Variants in IL18BP observed in about 807,000 individuals in gnomAD.
The protein encoded by IL18BP is interleukin 18 binding protein.
A neutral mutation model predicts 19.9 loss-of-function variants in IL18BP; 23 were observed. The ratio of observed to expected loss-of-function variants is 1.15; its 90% CI spans 0.83 to 1.64. The LOEUF (loss-of-function observed/expected upper bound fraction) is 1.64. Among genes scored for constraint, IL18BP ranks in the 40% most tolerant of loss-of-function variants. The pLI, the probability that IL18BP is intolerant of heterozygous loss-of-function variation, is 0.00. For synonymous variants in IL18BP, 107 were observed against 101.0 expected, an observed-to-expected ratio of 1.06 and a Z score of -0.35; for missense variants, 239 against 240.7, an observed-to-expected ratio of 0.99 and a Z score of 0.05.
chr11:72,001,319 CACCAGGTGAGGGTCGCAGCA>C lies in IL18BP; in HGVS notation c.355_359+15del. ...TCCCAGGCCGACTGTGGGAGGGGAG[CACCAGGTGAGGGTCGCAGCA>C]GCCAGGTGGGTGGGAAGGAGGCCTT... On this transcript the variant is annotated splice_donor_variant and splice_donor_5th_base_variant and coding_sequence_variant and intron_variant, in exon 4 of 6. Transcript: ENST00000393703. LOFTEE classifies it high-confidence loss of function. The C allele has an allele frequency of 6.2e-7, 1 of 1,614,184 alleles. No individual in the cohort carries two copies. The highest frequency in any genetic ancestry group is 8.5e-7 in the Non-Finnish European group (1 of 1,180,046).
intron 2 of IL18BP, 40 bp from the exon 3 acceptor site, chr11:72,000,311 T>C (rs1411782238): frequency 6.4e-6 from 10 of 1,570,798 alleles, no homozygotes; most frequent in Middle Eastern, 1.7e-4. Flanking sequence ...CAGCCCACTC[T>C]GTCTCCAGAG....
chr11:72,000,106 C>T, intron 2 of IL18BP, 94 bp downstream of exon 2: 1 of 1,370,684 alleles, frequency 7.3e-7, no homozygotes, highest in Non-Finnish European at 1.0e-6. Flanking sequence ...CACTCCAAGG[C>T]AAACCACCCA....
At chr11:72,001,583 C>T (rs753301202) in intron 5 of IL18BP, 31 bp downstream of exon 5, 5 of 1,603,730 alleles carry the variant, frequency 3.1e-6, no homozygotes, top group East Asian at 4.5e-5. Flanking sequence ...CCTCCAGGAA[C>T]AGGAGGAGCT....
Position 72,001,230 on chromosome 11 carries a change from T to C in IL18BP, c.265T>C (p.Cys89Arg). ...AACGCTGAGCTTATCCTGTGTGGCC[T>C]GCAGCCGCTTCCCCAACTTCAGCAT... ...NGTLSLSCVA[C>R]SRFPNFSILY... The change falls in exon 4 of 6, where the codon TGC becomes CGC. Residue 89 changes from cysteine (C) to arginine (R), a missense_variant. Cys to Arg is a radical substitution (Grantham distance 180). Coordinates refer to ENST00000393703, the MANE Select transcript of IL18BP (RefSeq NM_001039660.2). The C allele has an allele frequency of 6.2e-7, 1 of 1,614,204 alleles. No individual in the cohort carries two copies.
In IL18BP at chr11:72,002,109, A is replaced by C; in HGVS notation, c.*248A>C. 1 of 598,980 alleles carries C rather than the reference A, an allele frequency of 1.7e-6. No individual in the cohort carries two copies. Among genetic ancestry groups the C allele is most frequent in the East Asian group, 2.8e-5 (1 of 35,420 alleles). 37.1% of individuals were successfully genotyped at this position (598,980 alleles called of 1,614,324 possible). On this transcript the variant is annotated 3_prime_UTR_variant, in exon 6 of 6. Coordinates refer to ENST00000393703, the MANE Select transcript of IL18BP (RefSeq NM_001039660.2). ...CTCCACCTATCCATTAGCCTTCCTAACGTCCTACTCCTCACACTGCTCTAC... is the reference window on the plus strand; with the variant it reads ...CTCCACCTATCCATTAGCCTTCCTACCGTCCTACTCCTCACACTGCTCTAC...
At chr11:71,999,797 C>G (rs1955112828) in intron 1 of IL18BP, 130 bp from the exon 2 acceptor site, 3 of 609,928 alleles carry the variant, frequency 4.9e-6, no homozygotes, top group South Asian at 3.9e-5. Context: ...TTGACCCCCC[C>G]AGCTCTGTTT....
chr11:72,008,172 GT>G (rs1211819270), downstream of IL18BP: 53 of 473,272 alleles, frequency 1.1e-4, no homozygotes, highest in African/African-American at 1.0e-3. Flanking sequence ...AAATGTAAGT[GT>G]TTAATAAAAA....
At chr11:72,003,400 T>C (rs1955394735), downstream of IL18BP, 3 of 925,978 alleles carry the variant, frequency 3.2e-6, no homozygotes, top group Non-Finnish European at 5.3e-6. Context: ...CAGGCATCAC[T>C]GTCTCTAGGG....
chr11:71,999,019 G>C lies in IL18BP; in HGVS notation c.-59G>C. ...GCTCTTCAGGACCTCTTAGGAGCCAGGTAGGAGTCTGGGACTACTAGTGAA... is the reference window on the plus strand; with the variant it reads ...GCTCTTCAGGACCTCTTAGGAGCCACGTAGGAGTCTGGGACTACTAGTGAA... On this transcript the variant is annotated splice_region_variant and 5_prime_UTR_variant, in exon 1 of 6. Transcript: ENST00000393703. The C allele has an allele frequency of 2.7e-6, 1 of 369,084 alleles. No homozygotes were observed. Among genetic ancestry groups the C allele is most frequent in the South Asian group, 2.2e-5 (1 of 46,372 alleles). The allele number at this position is 369,084 out of a possible 1,614,324, so 22.9% of individuals were successfully genotyped here.
At chr11:72,004,556 A>C (rs946237870), downstream of IL18BP, 7 of 1,414,770 alleles carry the variant, frequency 4.9e-6, no homozygotes, top group African/African-American at 8.6e-5. Context: ...AGGGAAGGAG[A>C]GAGAAGGCTC....
downstream of IL18BP, chr11:72,004,886 C>T (rs1045829990): frequency 2.8e-5 from 39 of 1,413,910 alleles, no homozygotes; most frequent in Admixed American, 9.8e-5. Context: ...GGGGCTGTCC[C>T]AGAACTCTAC....
In IL18BP at chr11:72,001,280, C is replaced by G. The variant is rs781707273; in HGVS notation, c.315C>G (p.Ser105=). The G allele has an allele frequency of 1.2e-6, 2 of 1,614,230 alleles. No individual in the cohort carries two copies. Among genetic ancestry groups the G allele is most frequent in the Non-Finnish European group, 1.7e-6 (2 of 1,180,040 alleles). Residue 105 remains serine, a synonymous_variant, in exon 4 of 6, where the codon TCC becomes TCG. Transcript: ENST00000393703. ...TCCTCTACTGGCTGGGCAATGGTTC[C>G]TTCATTGAGCACCTCCCAGGCCGAC... ...FSILYWLGNG[S]FIEHLPGRLW... is the part of the protein sequence containing the mutation.
intron 3 of IL18BP, 123 bp from the exon 4 acceptor site, chr11:72,001,078 C>T (rs956044547): frequency 4.3e-6 from 5 of 1,173,970 alleles, no homozygotes; most frequent in East Asian, 5.0e-5. Flanking sequence ...AGGTGGTGTG[C>T]AGAGCAGTTC....
downstream of IL18BP, chr11:72,003,726 C>T (rs1272509809): frequency 2.0e-6 from 2 of 990,244 alleles, no homozygotes; most frequent in African/African-American, 1.6e-5. Flanking sequence ...GGCCATCTGT[C>T]TTCTCTCCTT....
In IL18BP at chr11:72,000,538, A is replaced by G; in HGVS notation, c.216A>G (p.Pro72=). ...KQCPALEVTW[P]EVEVPLNGTL... ...GTCCAGCATTGGAAGTGACCTGGCC[A>G]GAGGTGGAAGTGCCACTGAGTAAGA... The change falls in exon 3 of 6, where the codon CCA becomes CCG. Residue 72 remains proline, a synonymous_variant. Transcript: ENST00000393703. 1 of 1,611,690 alleles carries G rather than the reference A, an allele frequency of 6.2e-7. No homozygotes were observed. Among genetic ancestry groups the G allele is most frequent in the Non-Finnish European group, 8.5e-7 (1 of 1,179,922 alleles).
downstream of IL18BP, chr11:72,004,188 A>T (rs199986139): frequency 1.2e-6 from 2 of 1,604,246 alleles, no homozygotes; most frequent in Admixed American, 3.5e-5. Flanking sequence ...AGGTCCCGCC[A>T]GGGCGTCGCT....
Position 72,002,190 on chromosome 11 carries a change from C to T in IL18BP, c.*329C>T, listed in dbSNP as rs978398817. 76 of 358,134 alleles carry T rather than the reference C, an allele frequency of 2.1e-4. No homozygotes were observed. Among genetic ancestry groups the T allele is most frequent in the African/African-American group, 1.5e-3 (74 of 48,566 alleles). The allele number at this position is 358,134 out of a possible 1,614,324, so 22.2% of individuals were successfully genotyped here. On this transcript the variant is annotated 3_prime_UTR_variant, in exon 6 of 6. Coordinates refer to ENST00000393703, the MANE Select transcript of IL18BP (RefSeq NM_001039660.2). ...TTAGCCTTGCACTCCAGGGCCCTAC[C>T]TGCATTTCCCACATGACTTTCTGGA...
chr11:72,007,230 G>A (rs760257951), downstream of IL18BP: 35 of 1,612,660 alleles, frequency 2.2e-5, no homozygotes, highest in African/African-American at 2.7e-5. Context: ...GTGCGCCGAC[G>A]AGCGGAGCGG....
Position 71,999,089 on chromosome 11 carries a change from A to AG in IL18BP, c.-59+73dup, listed in dbSNP as rs1231127541. The AG allele has an allele frequency of 1.2e-5, 6 of 498,928 alleles. No individual in the cohort carries two copies. The Admixed American group carries it at 1.2e-4, about 10-fold the overall frequency. 30.9% of individuals were successfully genotyped at this position (498,928 alleles called of 1,614,324 possible). ...CCAGAGGGGCTAGGATGAGAGACAGAGGGTGTGATGGTGGGTGCTGGGAGA... is the reference window on the plus strand; with the variant it reads ...CCAGAGGGGCTAGGATGAGAGACAGAGGGGTGTGATGGTGGGTGCTGGGAGA... On this transcript the variant is annotated intron_variant, in intron 1 of 5. Coordinates refer to ENST00000393703, the MANE Select transcript of IL18BP (RefSeq NM_001039660.2).
Sources: allele counts gnomAD v4.1 joint callset, GRCh38; gene constraint gnomAD v4.1.1; transcripts MANE v1.5; gene names NCBI Gene and HGNC (gene_info 2026-07-23, HGNC 2026-07-21).